RNF6: variants seen among roughly 807,000 people sequenced by gnomAD.
RNF6 encodes ring finger protein 6.
RNF6 carries 21 observed loss-of-function variants against 50.1 expected under a neutral mutation model. That is an observed-to-expected ratio of 0.42 (90% confidence interval 0.30 to 0.60). The LOEUF is 0.60. RNF6 is among the 20% of genes least tolerant of loss of function. The probability of loss-of-function intolerance (pLI) is 0.20; values close to 1 mark genes in which losing one functional copy is unlikely to be tolerated. For synonymous variants in RNF6, 255 were observed against 291.8 expected (o/e 0.87, Z 1.29); for missense variants, 698 against 838.2 (o/e 0.83, Z 2.07).
At chr13:26,185,446 T>C (rs1873470380) in intron 5 of RNF6, among the ~76,000 whole-genome samples, 1 of 152,142 alleles carries the variant, frequency 6.6e-6, no homozygotes, top group Non-Finnish European at 1.5e-5. Context: ...TGCATTTTTT[T>C]TAAAAAAAGT....
chr13:26,190,959 C>T (rs4770949), intron 5 of RNF6, among the ~76,000 whole-genome samples: 76,120 of 151,966 alleles, frequency 0.5, 22,502 homozygotes, highest in East Asian at 0.7. Context: ...TATGAAATGT[C>T]GGAATAGAGT....
chr13:26,168,969 C>T (rs1489682558), intron 5 of RNF6, among the ~76,000 whole-genome samples: 1 of 152,188 alleles, frequency 6.6e-6, no homozygotes, highest in East Asian at 1.9e-4. Context: ...TGCCACTGCA[C>T]TCCAGACTGG....
At chr13:26,172,007 G>C (rs972620173) in intron 5 of RNF6, among the ~76,000 whole-genome samples, 13 of 152,162 alleles carry the variant, frequency 8.5e-5, no homozygotes, top group African/African-American at 3.1e-4. Flanking sequence ...GCATAACTTT[G>C]TGAATGACAC....
chr13:26,158,640 A>C (rs1872059415), intron 5 of RNF6, among the ~76,000 whole-genome samples: 1 of 152,162 alleles, frequency 6.6e-6, no homozygotes. Flanking sequence ...AGTGATAAAA[A>C]CAGGTTTTAG....
At chr13:26,183,037 A>T (rs1030505188) in intron 5 of RNF6, among the ~76,000 whole-genome samples, 1 of 152,170 alleles carries the variant, frequency 6.6e-6, no homozygotes, top group Admixed American at 6.5e-5. Flanking sequence ...TTCTTTCCTG[A>T]CATTTGTTTT....
intron 5 of RNF6, among the ~76,000 whole-genome samples, chr13:26,163,956 C>A (rs1872329542): frequency 6.6e-6 from 1 of 152,044 alleles, no homozygotes; most frequent in African/African-American, 2.4e-5. Flanking sequence ...ATATTTTTCA[C>A]AGGTTAGGAA....
intron 5 of RNF6, among the ~76,000 whole-genome samples, chr13:26,184,987 TATTG>T (rs139595924): frequency 1.3e-5 from 2 of 151,576 alleles, no homozygotes; most frequent in Admixed American, 6.6e-5. Flanking sequence ...GTTATCATTT[TATTG>T]ATTGATTGAT....
At chr13:26,219,763 T>A in intron 2 of RNF6, 96 bp from the exon 3 acceptor site, 1 of 1,109,660 alleles carries the variant, frequency 9.0e-7, no homozygotes, top group Non-Finnish European at 1.3e-6. Flanking sequence ...TTTTTAAATG[T>A]TGTCCCCTAC....
At position 26,219,682 on chromosome 13, in the gene RNF6, T is replaced by C. The variant is rs986102823; in HGVS notation, c.-18-15A>G. The stretch of plus-strand genomic sequence containing the variant: ...TTCCTGGCTTTCTGTTCAAACAATA[T>C]AAACAACATTCAAGGTGTTAAGTCA... On this transcript the variant is annotated splice_polypyrimidine_tract_variant and intron_variant, in intron 2 of 4. Coordinates refer to ENST00000381588, the MANE Select transcript of RNF6 (RefSeq NM_005977.4). 4 of 1,602,484 alleles carry C rather than the reference T, an allele frequency of 2.5e-6. No homozygotes were observed. In the East Asian group the frequency reaches 6.7e-5, roughly 27 times the overall value.
intron 5 of RNF6, among the ~76,000 whole-genome samples, chr13:26,173,231 C>T (rs1273994118): frequency 6.6e-6 from 1 of 152,232 alleles, no homozygotes; most frequent in Non-Finnish European, 1.5e-5. Context: ...CTTTAAAAAA[C>T]TCATACATGT....
downstream of RNF6, among the ~76,000 whole-genome samples, chr13:26,210,779 C>T (rs551248393): frequency 2.7e-4 from 41 of 152,234 alleles, no homozygotes; most frequent in African/African-American, 7.7e-4. Context: ...AGGAGAGCTT[C>T]AGAGGTTTAA....
chr13:26,146,183 G>A (rs898123958), intron 5 of RNF6, among the ~76,000 whole-genome samples: 11 of 152,238 alleles, frequency 7.2e-5, no homozygotes, highest in African/African-American at 2.7e-4. Flanking sequence ...AAGGCTGGGA[G>A]AAGTGTTAAC....
At chr13:26,139,444 C>G (rs1205814798) in intron 5 of RNF6, among the ~76,000 whole-genome samples, 1 of 152,152 alleles carries the variant, frequency 6.6e-6, no homozygotes, top group African/African-American at 2.4e-5. Context: ...GGCATGCCCT[C>G]TCTCTCAGAA....
intron 5 of RNF6, among the ~76,000 whole-genome samples, chr13:26,204,496 C>CAAAAAAAAAAAAAAAAAAAGAAAAA (rs1869023526): frequency 1.5e-5 from 1 of 68,964 alleles, no homozygotes; most frequent in Non-Finnish European, 2.9e-5. Context: ...GACTCCACCT[C>CAAAAAAAAAAAAAAAAAAAGAAAAA]AAAAAAAAAA....
intron 5 of RNF6, among the ~76,000 whole-genome samples, chr13:26,145,738 T>C (rs530431726): frequency 7.2e-5 from 11 of 152,328 alleles, no homozygotes; most frequent in Admixed American, 2.0e-4. Flanking sequence ...AACAAACTAA[T>C]ACGATGGGGC....
At chr13:26,164,734 C>T (rs1280286329) in intron 5 of RNF6, among the ~76,000 whole-genome samples, 1 of 152,084 alleles carries the variant, frequency 6.6e-6, no homozygotes, top group African/African-American at 2.4e-5. Context: ...CTTTTACTGC[C>T]TCTCATGGAT....
Position 26,172,455 on chromosome 13 carries a change from AAATACT to A in RNF6, n.769-40010_769-40005del, listed in dbSNP as rs553026432. Among the ~76,000 whole-genome samples the A allele has an allele frequency of 2.9e-4, 44 of 152,378 alleles. No homozygotes were observed. In the East Asian group the frequency reaches 7.9e-3, roughly 27 times the overall value. On this transcript the variant is annotated intron_variant and non_coding_transcript_variant, in intron 5 of 5. Transcript: ENST00000468480. The stretch of plus-strand genomic sequence containing the variant: ...GTGAAAAAACACAAACCATGAAGGA[AAATACT>A]AATTAATCTGACTTCATTAAAACTT...
At position 26,197,499 on chromosome 13, in the gene RNF6, C is replaced by A. The variant is rs1426200296; in HGVS notation, n.768+17975G>T. On this transcript the variant is annotated intron_variant and non_coding_transcript_variant, in intron 5 of 5. Transcript: ENST00000468480. ...ATGGCAGTAAACAAACACAGATGGC[C>A]TAATTATATTTACATTGGCCAACCC... Among the ~76,000 whole-genome samples the A allele has an allele frequency of 5.9e-5, 9 of 151,700 alleles. No individual in the cohort carries two copies. The South Asian group carries it at 1.7e-3, about 28-fold the overall frequency.
intron 5 of RNF6, among the ~76,000 whole-genome samples, chr13:26,187,372 C>T (rs1321790737): frequency 1.3e-5 from 2 of 152,188 alleles, no homozygotes; most frequent in Non-Finnish European, 2.9e-5. Context: ...AGGAGGCTTA[C>T]TGGGATGTCC....
Sources: allele counts gnomAD v4.1 joint callset (sites outside exome capture counted in the v4.1 genomes callset), GRCh38; gene constraint gnomAD v4.1.1; transcripts MANE v1.5; gene names NCBI Gene and HGNC (gene_info 2026-07-23, HGNC 2026-07-21).